ILDR1: variants seen among roughly 807,000 people sequenced by gnomAD.
The protein encoded by ILDR1 is immunoglobulin like domain containing receptor 1, also known as immunoglobulin-like domain-containing receptor 1.
In ILDR1, 56 loss-of-function variants were observed where a neutral mutation model predicts 62.4. The observed-to-expected ratio is 0.90, with a 90% CI of 0.72 to 1.12. The LOEUF (loss-of-function observed/expected upper bound fraction) is 1.12, where lower values mean the gene tolerates loss of function less well. ILDR1 is among the 50% of genes most tolerant of loss of function. ILDR1 has a pLI of 0.00. For missense variants in ILDR1, 736 were observed against 710.6 expected (o/e 1.04, Z -0.41); for synonymous variants, 284 against 277.8 (o/e 1.02, Z -0.22).
At chr3:122,037,173 C>A in the ILDR1 span, among the ~76,000 whole-genome samples, 2 of 152,218 alleles carry the variant, frequency 1.3e-5, no homozygotes, top group Admixed American at 1.3e-4. Flanking sequence ...TTGGAGCCCC[C>A]ACACAGAGTC....
chr3:122,042,027 T>C, the ILDR1 span, among the ~76,000 whole-genome samples: 2 of 130,592 alleles, frequency 1.5e-5, no homozygotes, highest in East Asian at 2.3e-4. Flanking sequence ...TAACTCGTCA[T>C]CTAGCATTAG....
chr3:122,012,395 T>C (rs1309438884), intron 1 of ILDR1, among the ~76,000 whole-genome samples: 1 of 152,258 alleles, frequency 6.6e-6, no homozygotes, highest in Admixed American at 6.5e-5. Flanking sequence ...CCTCATTTCC[T>C]AGCTGTCTCT....
chr3:122,055,265 G>T, the ILDR1 span: 1 of 529,184 alleles, frequency 1.9e-6, no homozygotes, highest in South Asian at 2.9e-5. Flanking sequence ...AGTTTAAACT[G>T]CAAGGAAAGG....
At position 121,996,832 on chromosome 3, in the gene ILDR1, C is replaced by G. The variant is rs1408473164; in HGVS notation, c.647-2519G>C. 5.9e-5 allele frequency among the ~76,000 whole-genome samples: 9 copies of G among 152,184 alleles called. 1 individual carries two copies. Among genetic ancestry groups the G allele is most frequent in the Non-Finnish European group, 1.3e-4 (9 of 68,028 alleles). On this transcript the variant is annotated intron_variant, in intron 5 of 7. Transcript: ENST00000344209. ...AGGATTCTCAACAACCCTTTGGTCA[C>G]CATTCCTTACCATCCCCTCTCCACT... is the stretch of plus-strand genomic sequence containing the variant.
intron 5 of ILDR1, among the ~76,000 whole-genome samples, chr3:121,998,602 T>C (rs115400701): frequency 0.017 from 2,578 of 152,292 alleles, 44 homozygotes; most frequent in Non-Finnish European, 0.029. Flanking sequence ...GGTGCACTTA[T>C]CATTTGTGTT....
At chr3:122,061,309 T>C in the ILDR1 span, among the ~76,000 whole-genome samples, 1 of 152,154 alleles carries the variant, frequency 6.6e-6, no homozygotes, top group Non-Finnish European at 1.5e-5. Flanking sequence ...CTGTGATGAA[T>C]ACAAATGAAA....
rs1290595234 is a variant in ILDR1 at position 121,993,793 on chromosome 3, G to A, written c.956C>T (p.Ser319Phe). 6.2e-7 allele frequency: 1 copy of A among 1,614,168 alleles called. No homozygotes were observed. The highest frequency in any genetic ancestry group is 8.5e-7 in the Non-Finnish European group (1 of 1,180,014). ...GCGTTCCACGACCTCAGAGCCCAGG[G>A]AGGACAGCATGCTGCAGGGATGGCC... ...RFGHPCSMLSSLGSEVVERRI... is the reference protein window; with the variant it reads ...RFGHPCSMLSFLGSEVVERRI... Residue 319 changes from serine to phenylalanine, a missense_variant, in exon 7 of 8, where the codon TCC becomes TTC. Coordinates refer to ENST00000344209, the MANE Select transcript of ILDR1 (RefSeq NM_001199799.2).
chr3:121,991,123 T>C (rs2071338253), intron 7 of ILDR1, among the ~76,000 whole-genome samples: 1 of 151,814 alleles, frequency 6.6e-6, no homozygotes, highest in South Asian at 2.1e-4. Context: ...TCGCTTGAAC[T>C]GGGGAGGCAG....
At chr3:122,037,453 G>A in the ILDR1 span, among the ~76,000 whole-genome samples, 2 of 152,198 alleles carry the variant, frequency 1.3e-5, no homozygotes, top group Admixed American at 1.3e-4. Context: ...AAGATTTAAT[G>A]ACTGCCCTGC....
the ILDR1 span, among the ~76,000 whole-genome samples, chr3:122,048,913 G>C: frequency 2.6e-5 from 4 of 152,134 alleles, no homozygotes; most frequent in Non-Finnish European, 5.9e-5. Flanking sequence ...TGGGATTACA[G>C]GCATAAGCCA....
chr3:122,042,843 A>C, the ILDR1 span, among the ~76,000 whole-genome samples: 10 of 151,978 alleles, frequency 6.6e-5, no homozygotes, highest in South Asian at 2.1e-4. Flanking sequence ...AGGTTGTGAA[A>C]ATTTTTTCCC....
intron 1 of ILDR1, among the ~76,000 whole-genome samples, chr3:122,010,304 T>C (rs987641587): frequency 5.9e-5 from 9 of 152,146 alleles, no homozygotes; most frequent in African/African-American, 2.2e-4. Context: ...TCCAGTTCAA[T>C]TTCTTGTCCA....
At chr3:122,002,880 C>A (rs1008508392) in intron 3 of ILDR1, among the ~76,000 whole-genome samples, 1 of 152,212 alleles carries the variant, frequency 6.6e-6, no homozygotes, top group Non-Finnish European at 1.5e-5. Context: ...AGACAACCTA[C>A]AGAATGCGAG....
rs746794164 is a variant in ILDR1 at position 122,007,043 on chromosome 3, T to C, written c.177A>G (p.Thr59=). 5.0e-5 allele frequency: 81 copies of C among 1,613,814 alleles called. 1 individual carries two copies. In the South Asian group the frequency reaches 7.8e-4, roughly 16 times the overall value. ...TSAQLQDVVV[T]WRFKSFCKDP... is the part of the protein sequence containing the mutation. The stretch of plus-strand genomic sequence containing the variant: ...CCTTGCAGAAGGACTTGAAGCGCCA[T>C]GTCACCACCACGTCCTGGAGCTGGG... The change falls in exon 2 of 8, where the codon ACA becomes ACG. Residue 59 remains threonine (T), a synonymous_variant. Coordinates refer to ENST00000344209, the MANE Select transcript of ILDR1 (RefSeq NM_001199799.2).
At chr3:122,007,530 T>TC (rs1476331530) in intron 1 of ILDR1, among the ~76,000 whole-genome samples, 2 of 152,220 alleles carry the variant, frequency 1.3e-5, no homozygotes, top group Non-Finnish European at 2.9e-5. Context: ...TAAAATGGTT[T>TC]CCCGTTTCCT....
Position 122,022,232 on chromosome 3 carries a change from G to A in ILDR1, c.-155C>T, listed in dbSNP as rs1036595477. ...GGGAGGGAGCGTCCGCTCTGGTCCC[G>A]GGGCAGGTGCCGCCCGGCTCGTCCC... On this transcript the variant is annotated 5_prime_UTR_variant, in exon 1 of 8. Transcript: ENST00000344209. The A allele has an allele frequency of 1.6e-5, 10 of 628,262 alleles. No homozygotes were observed. The South Asian group carries it at 1.7e-4, about 11-fold the overall frequency. The allele number at this position is 628,262 out of a possible 1,614,324, so 38.9% of individuals were successfully genotyped here.
upstream of ILDR1, among the ~76,000 whole-genome samples, chr3:122,023,255 C>T (rs2071891369): frequency 6.6e-6 from 1 of 152,044 alleles, no homozygotes; most frequent in African/African-American, 2.4e-5. Flanking sequence ...CCTCAACCCC[C>T]ACCAAGGTTT....
chr3:122,058,172 C>G, the ILDR1 span, among the ~76,000 whole-genome samples: 1 of 152,066 alleles, frequency 6.6e-6, no homozygotes, highest in East Asian at 1.9e-4. Flanking sequence ...GTGATTTGTC[C>G]AAGATTATAC....
In ILDR1 at chr3:122,001,438, G is replaced by T. The variant is rs766344111; in HGVS notation, c.516C>A (p.Ile172=). The T allele has an allele frequency of 1.9e-6, 3 of 1,614,128 alleles. No homozygotes were observed. The highest frequency in any genetic ancestry group is 2.2e-5 in the East Asian group (1 of 44,888). ...KLIVLHWLTV[I]FIILGALLLL... ...GGAGGAGGGCTCCCAGGATGATGAAGATCACTGTCAGCCAGTCTGCAGGGG... is the reference window on the plus strand; with the variant it reads ...GGAGGAGGGCTCCCAGGATGATGAATATCACTGTCAGCCAGTCTGCAGGGG... The change falls in exon 5 of 8, where the codon ATC becomes ATA. Residue 172 remains isoleucine (I), a synonymous_variant. Transcript: ENST00000344209.
Sources: gnomAD v4.1 joint callset for allele counts (sites outside exome capture counted in the v4.1 genomes callset) on GRCh38, gnomAD v4.1.1 for gene constraint, MANE v1.5 for transcripts, NCBI Gene and HGNC (gene_info 2026-07-23, HGNC 2026-07-21) for gene names.